NACC2: variants seen among roughly 807,000 people sequenced by gnomAD.
The protein encoded by NACC2 is nucleus accumbens-associated protein 2.
In NACC2, 8 loss-of-function variants were observed where a neutral mutation model predicts 25.1. That is an observed-to-expected ratio of 0.32 (90% CI 0.19 to 0.57). NACC2 has a LOEUF of 0.57. Among genes scored for constraint, NACC2 ranks in the 20% least tolerant of loss-of-function variants. The probability of loss-of-function intolerance (pLI) is 0.89; values close to 1 mark genes in which losing one functional copy is unlikely to be tolerated. For missense variants in NACC2, 644 were observed against 650.2 expected, an observed-to-expected ratio of 0.99 and a Z score of 0.10; for synonymous variants, 435 against 294.7, an observed-to-expected ratio of 1.48 and a Z score of -4.88.
chr9:136,089,628 CCA>C (rs1180430643), intron 1 of NACC2, among the ~76,000 whole-genome samples: 2 of 151,988 alleles, frequency 1.3e-5, no homozygotes, highest in East Asian at 3.9e-4. Context: ...CTTGGCACAT[CCA>C]CAGTTGGGGG....
At chr9:136,044,252 C>G (rs1483644330) in intron 2 of NACC2, among the ~76,000 whole-genome samples, 1 of 152,136 alleles carries the variant, frequency 6.6e-6, no homozygotes, top group African/African-American at 2.4e-5. Context: ...TGCGGTGCTC[C>G]CACCTGTAAT....
rs1840022419 is a variant in NACC2, at chr9:136,006,999, T to C, written c.*4517A>G. On this transcript the variant is annotated 3_prime_UTR_variant, in exon 6 of 6. Coordinates refer to ENST00000277554, the MANE Select transcript of NACC2 (RefSeq NM_144653.5). ...TTTAAAAGTCTCTTTTTTCCAAACA[T>C]TCCATCCGAAGGATGGATGCTCTAC... 1 of 154,142 alleles carries C rather than the reference T, an allele frequency of 6.5e-6. No homozygotes were observed. Among genetic ancestry groups the C allele is most frequent in the African/African-American group, 2.4e-5 (1 of 41,516 alleles). The allele number at this position is 154,142 out of a possible 1,614,324, so 9.5% of individuals were successfully genotyped here. A position where few individuals can be genotyped will look rare whatever the true frequency, so the allele number is the denominator to read the frequency against.
chr9:136,012,831 C>T (rs1032428191), intron 5 of NACC2, among the ~76,000 whole-genome samples: 13 of 152,232 alleles, frequency 8.5e-5, no homozygotes, highest in Admixed American at 5.2e-4. Flanking sequence ...GACCGGGCTC[C>T]GCCCCCACAC....
Position 136,013,109 on chromosome 9 carries a change from G to A in NACC2, c.1255+90C>T. On this transcript the variant is annotated intron_variant, in intron 5 of 5. Transcript: ENST00000277554. The surrounding 1 kb of genome is among the most constrained non-coding windows in gnomAD (Gnocchi z 6.6). ...AGGGACGGAAGCTGCAGGTGGCCGG[G>A]AGCACCCCCGCGGCCCACCCAGTCC... 1 of 1,129,800 alleles carries A rather than the reference G, an allele frequency of 8.9e-7. No homozygotes were observed. Among genetic ancestry groups the A allele is most frequent in the Non-Finnish European group, 1.3e-6 (1 of 778,954 alleles). The allele number at this position is 1,129,800 out of a possible 1,614,324, so 70.0% of individuals were successfully genotyped here. A position where few individuals can be genotyped will look rare whatever the true frequency, so the allele number is the denominator to read the frequency against.
Position 136,044,567 on chromosome 9 carries a change from C to T in NACC2, c.886+5069G>A, listed in dbSNP as rs952590270. Among the ~76,000 whole-genome samples, 1,028 of 152,260 alleles carry T rather than the reference C, an allele frequency of 6.8e-3. 10 individuals are homozygous for T. The highest frequency in any genetic ancestry group is 0.012 in the Non-Finnish European group (787 of 68,010). On this transcript the variant is annotated intron_variant, in intron 2 of 5. Coordinates refer to ENST00000277554, the MANE Select transcript of NACC2 (RefSeq NM_144653.5). Reference sequence around the variant, plus strand: ...GCCAGAGATGAAGGCACCCTCTGCTCCCTGGGTGGTGGTGGGGGGGCTCTA... The same window carrying T: ...GCCAGAGATGAAGGCACCCTCTGCTTCCTGGGTGGTGGTGGGGGGGCTCTA...
chr9:136,071,862 C>G (rs1035468586), intron 1 of NACC2, among the ~76,000 whole-genome samples: 1 of 152,128 alleles, frequency 6.6e-6, no homozygotes, highest in Non-Finnish European at 1.5e-5. Context: ...GAAGAGCCGG[C>G]CTTTGAAGCC....
At chr9:136,023,034 G>A (rs1020382214) in intron 2 of NACC2, among the ~76,000 whole-genome samples, 2 of 18,026 alleles carry the variant, frequency 1.1e-4, no homozygotes, top group African/African-American at 2.0e-4. Flanking sequence ...TTCACATCAG[G>A]AAGGAGGGAG....
intron 1 of NACC2, among the ~76,000 whole-genome samples, chr9:136,094,091 G>C (rs1326587060): frequency 6.6e-6 from 1 of 152,356 alleles, no homozygotes; most frequent in Admixed American, 6.5e-5. Flanking sequence ...CACGGGATGG[G>C]AGTCCGGGCT....
intron 2 of NACC2, among the ~76,000 whole-genome samples, chr9:136,021,510 G>A (rs1046437765): frequency 3.9e-5 from 6 of 152,254 alleles, no homozygotes; most frequent in African/African-American, 1.4e-4. Context: ...TCACTGGGGA[G>A]AGTGCAAAGT....
chr9:136,059,643 C>T (rs1840980338), intron 1 of NACC2, among the ~76,000 whole-genome samples: 1 of 152,232 alleles, frequency 6.6e-6, no homozygotes, highest in Non-Finnish European at 1.5e-5. Flanking sequence ...GGCCGCAGGG[C>T]CGGGACTTCC....
chr9:136,037,031 G>A lies in NACC2; in HGVS notation c.886+12605C>T, dbSNP rs893095220. 5.9e-3 allele frequency among the ~76,000 whole-genome samples: 904 copies of A among 152,260 alleles called. 5 individuals carry two copies. Among genetic ancestry groups the A allele is most frequent in the Admixed American group, 9.2e-3 (141 of 15,296 alleles). ...GAAGAACATAGATAAGGATGACTGT[G>A]ATTTCCTGGGCAATCCAGAAGACAA... On this transcript the variant is annotated intron_variant, in intron 2 of 5. Transcript: ENST00000277554.
chr9:136,033,893 A>AGG (rs1491531134), intron 2 of NACC2, among the ~76,000 whole-genome samples: 3 of 96,934 alleles, frequency 3.1e-5, no homozygotes, highest in Admixed American at 1.2e-4. Flanking sequence ...AAATTCCAGC[A>AGG]GGTGTGTGTG....
intron 1 of NACC2, among the ~76,000 whole-genome samples, chr9:136,057,496 C>T (rs1840942040): frequency 6.6e-6 from 1 of 152,226 alleles, no homozygotes; most frequent in South Asian, 2.1e-4. Flanking sequence ...ACAAAACATT[C>T]TAGAAGGTTT....
chr9:136,069,651 T>C (rs1037063975), intron 1 of NACC2, among the ~76,000 whole-genome samples: 2 of 151,856 alleles, frequency 1.3e-5, no homozygotes, highest in African/African-American at 4.9e-5. Context: ...AGATAAATTA[T>C]GCAAACATAA....
chr9:136,094,786 C>G (rs1474804687), intron 1 of NACC2, among the ~76,000 whole-genome samples: 1 of 151,986 alleles, frequency 6.6e-6, no homozygotes, highest in Non-Finnish European at 1.5e-5. Context: ...GGCTTCCCCA[C>G]CCGGAGGGCT....
In NACC2 at chr9:136,084,675, A is replaced by G. The variant is rs7035997; in HGVS notation, c.-60+10514T>C. Among the ~76,000 whole-genome samples, 1,547 of 152,376 alleles carry G rather than the reference A, an allele frequency of 0.01. 28 individuals are homozygous for G. Among genetic ancestry groups the G allele is most frequent in the African/African-American group, 0.035 (1,456 of 41,580 alleles). On this transcript the variant is annotated intron_variant, in intron 1 of 5. Coordinates refer to ENST00000277554, the MANE Select transcript of NACC2 (RefSeq NM_144653.5). The surrounding 1 kb of genome is among the most constrained non-coding windows in gnomAD (Gnocchi z 5.1). ...GGCAGCACCAGACAGCCAAGAGGCAAGTGGCCCCAGGGTCCGCCAATGGGT... is the reference window on the plus strand; with the variant it reads ...GGCAGCACCAGACAGCCAAGAGGCAGGTGGCCCCAGGGTCCGCCAATGGGT...
chr9:136,060,344 C>T (rs979353182), intron 1 of NACC2, among the ~76,000 whole-genome samples: 4 of 152,246 alleles, frequency 2.6e-5, no homozygotes, highest in Non-Finnish European at 5.9e-5. Context: ...CTGGAGCCGG[C>T]TGGGCTGCCT....
intron 2 of NACC2, among the ~76,000 whole-genome samples, chr9:136,038,656 A>G (rs1298566044): frequency 6.6e-6 from 1 of 152,240 alleles, no homozygotes; most frequent in Non-Finnish European, 1.5e-5. Context: ...CTTTATGGTA[A>G]AAATTACTTC....
At chr9:136,027,269 A>G (rs1840406608) in intron 2 of NACC2, among the ~76,000 whole-genome samples, 1 of 152,244 alleles carries the variant, frequency 6.6e-6, no homozygotes, top group South Asian at 2.1e-4. Context: ...TGAATAAAAC[A>G]AAACCCAAGA....
Sources: allele counts gnomAD v4.1 joint callset (sites outside exome capture counted in the v4.1 genomes callset), GRCh38; gene constraint gnomAD v4.1.1; non-coding constraint Gnocchi (gnomAD v3.1); transcripts MANE v1.5; gene names NCBI Gene and HGNC (gene_info 2026-07-23, HGNC 2026-07-21).